Variants in STRBP observed in about 807,000 individuals in gnomAD.
STRBP encodes the protein spermatid perinuclear RNA binding protein.
A neutral mutation model predicts 80.1 loss-of-function variants in STRBP; 13 were observed. The observed-to-expected ratio is 0.16, with a 90% confidence interval of 0.11 to 0.26. The LOEUF (loss-of-function observed/expected upper bound fraction) is 0.26, where lower values mean the gene tolerates loss of function less well. Among genes scored for constraint, STRBP ranks in the 10% least tolerant of loss-of-function variants. The pLI is 1.00. For missense variants in STRBP, 485 were observed against 815.2 expected (o/e 0.59, Z 4.93); for synonymous variants, 284 against 291.2 (o/e 0.98, Z 0.25).
intron 1 of STRBP, among the ~76,000 whole-genome samples, chr9:123,260,905 C>A (rs1031674751): frequency 6.6e-6 from 1 of 152,198 alleles, no homozygotes; most frequent in Non-Finnish European, 1.5e-5. Context: ...TCTATCACTT[C>A]AAAGCCTGCC....
intron 6 of STRBP, among the ~76,000 whole-genome samples, chr9:123,165,217 A>G (rs965249550): frequency 6.8e-6 from 1 of 147,880 alleles, no homozygotes; most frequent in Non-Finnish European, 1.5e-5. Context: ...GGAGGCGGAC[A>G]TTGCAGTGAG....
At chr9:123,163,432 G>C (rs1355717368) in intron 6 of STRBP, among the ~76,000 whole-genome samples, 3 of 152,200 alleles carry the variant, frequency 2.0e-5, no homozygotes, top group Non-Finnish European at 4.4e-5. Flanking sequence ...ATGAAAAAGA[G>C]ATGAAAGGGA....
Position 123,184,221 on chromosome 9 carries a change from C to T in STRBP, c.-87G>A. 7.2e-7 allele frequency: 1 copy of T among 1,396,570 alleles called. No individual in the cohort carries two copies. The highest frequency in any genetic ancestry group is 1.0e-6 in the Non-Finnish European group (1 of 1,002,420). The allele number at this position is 1,396,570 out of a possible 1,614,324, so 86.5% of individuals were successfully genotyped here. ...CTAGACACTGTTTTGTGTAACAATA[C>T]CTCCTCATAAGCCTGAGTCCCCTGA... On this transcript the variant is annotated 5_prime_UTR_variant, in exon 3 of 19. Coordinates refer to ENST00000348403, the MANE Select transcript of STRBP (RefSeq NM_018387.5).
At chr9:123,246,544 A>G (rs762016945) in intron 1 of STRBP, among the ~76,000 whole-genome samples, 3 of 152,210 alleles carry the variant, frequency 2.0e-5, no homozygotes, top group Non-Finnish European at 4.4e-5. Flanking sequence ...TTCCAATTAT[A>G]CTGTATAAAT....
chr9:123,267,514 C>A (rs2041296107), intron 1 of STRBP, among the ~76,000 whole-genome samples: 1 of 151,860 alleles, frequency 6.6e-6, no homozygotes, highest in Non-Finnish European at 1.5e-5. Flanking sequence ...CGCCTCCCTG[C>A]AGGCTCCCCT....
intron 2 of STRBP, among the ~76,000 whole-genome samples, chr9:123,190,582 A>G (rs1391122738): frequency 2.0e-5 from 3 of 152,210 alleles, no homozygotes; most frequent in East Asian, 1.9e-4. Flanking sequence ...AAAAACACCT[A>G]TAACGATGGA....
At chr9:123,218,418 G>A (rs1394376469) in intron 2 of STRBP, among the ~76,000 whole-genome samples, 2 of 138,756 alleles carry the variant, frequency 1.4e-5, no homozygotes, top group South Asian at 2.2e-4. Context: ...GCCGGACTGC[G>A]GACTGCAGTG....
chr9:123,214,614 C>T (rs1020554623), intron 2 of STRBP, among the ~76,000 whole-genome samples: 1 of 152,174 alleles, frequency 6.6e-6, no homozygotes, highest in Non-Finnish European at 1.5e-5. Flanking sequence ...CAGACCATCC[C>T]TCTCTTGAAA....
intron 2 of STRBP, among the ~76,000 whole-genome samples, chr9:123,232,897 A>G (rs949142092): frequency 5.3e-5 from 8 of 152,184 alleles, no homozygotes; most frequent in African/African-American, 1.9e-4. Flanking sequence ...CTCCAAATAA[A>G]ACACTACGTT....
At chr9:123,169,859 A>G in intron 6 of STRBP, 43 bp downstream of exon 6, 4 of 1,136,888 alleles carry the variant, frequency 3.5e-6, no homozygotes, top group Non-Finnish European at 4.5e-6. Flanking sequence ...ACAAACAACA[A>G]CAACAAATAT....
At chr9:123,150,793 C>T (rs531220661) in intron 11 of STRBP, among the ~76,000 whole-genome samples, 9 of 152,174 alleles carry the variant, frequency 5.9e-5, no homozygotes, top group South Asian at 2.1e-4. Context: ...GTGAACCCCC[C>T]ACACACTGGG....
chr9:123,200,494 A>C (rs1264116128), intron 2 of STRBP, among the ~76,000 whole-genome samples: 2 of 151,732 alleles, frequency 1.3e-5, no homozygotes, highest in Non-Finnish European at 2.9e-5. Flanking sequence ...GATTGGTACC[A>C]AGTCTCTGAA....
chr9:123,242,662 A>C (rs555425277), intron 1 of STRBP, among the ~76,000 whole-genome samples: 67 of 143,152 alleles, frequency 4.7e-4, no homozygotes, highest in African/African-American at 2.0e-3. Flanking sequence ...CCTGTCTCAA[A>C]TAAATAAATA....
At chr9:123,229,522 G>C (rs1437781858) in intron 2 of STRBP, among the ~76,000 whole-genome samples, 1 of 152,200 alleles carries the variant, frequency 6.6e-6, no homozygotes, top group African/African-American at 2.4e-5. Context: ...AAATGTTGAT[G>C]AATGATCCAA....
At chr9:123,258,481 G>C (rs1166317721) in intron 1 of STRBP, among the ~76,000 whole-genome samples, 1 of 152,154 alleles carries the variant, frequency 6.6e-6, no homozygotes, top group Non-Finnish European at 1.5e-5. Flanking sequence ...CAAAGGACCT[G>C]AGACAGAAAT....
intron 6 of STRBP, among the ~76,000 whole-genome samples, chr9:123,167,630 A>G (rs1235577915): frequency 6.6e-6 from 1 of 152,164 alleles, no homozygotes; most frequent in South Asian, 2.1e-4. Context: ...ACAACAGCAA[A>G]GCAAATCTTT....
chr9:123,158,566 A>G (rs1054830244), intron 9 of STRBP, 137 bp from the exon 10 acceptor site: 1 of 685,850 alleles, frequency 1.5e-6, no homozygotes, highest in Non-Finnish European at 2.4e-6. Flanking sequence ...AAGTCTGCTC[A>G]GTTAAGTGGA....
intron 2 of STRBP, among the ~76,000 whole-genome samples, chr9:123,195,948 T>C (rs771783594): frequency 5.3e-5 from 8 of 152,142 alleles, no homozygotes; most frequent in Non-Finnish European, 1.0e-4. Context: ...TGACTTCAAA[T>C]TATATGACAG....
At chr9:123,211,735 T>A (rs1293307023) in intron 2 of STRBP, among the ~76,000 whole-genome samples, 2 of 152,232 alleles carry the variant, frequency 1.3e-5, no homozygotes, top group African/African-American at 4.8e-5. Flanking sequence ...ATTTTCCTAA[T>A]ATGGATAACT....
Sources: allele counts gnomAD v4.1 joint callset (sites outside exome capture counted in the v4.1 genomes callset), GRCh38; gene constraint gnomAD v4.1.1; transcripts MANE v1.5; gene names NCBI Gene and HGNC (gene_info 2026-07-23, HGNC 2026-07-21).